EVA1C: variants seen among roughly 807,000 people sequenced by gnomAD.
EVA1C encodes protein eva-1 homolog C.
EVA1C carries 25 observed loss-of-function variants against 45.4 expected under a neutral mutation model. The ratio of observed to expected loss-of-function variants is 0.55; its 90% confidence interval spans 0.40 to 0.77. The LOEUF is 0.77. Among genes scored for constraint, EVA1C ranks in the 30% least tolerant of loss-of-function variants. The probability of loss-of-function intolerance (pLI) is 0.00; values close to 1 mark genes in which losing one functional copy is unlikely to be tolerated. For synonymous variants in EVA1C, 190 were observed against 221.2 expected (o/e 0.86, Z 1.25); for missense variants, 479 against 554.8 (o/e 0.86, Z 1.37).
chr21:32,413,075 A>G (rs1299665858), intron 1 of EVA1C, 62 bp downstream of exon 1: 4 of 1,274,124 alleles, frequency 3.1e-6, no homozygotes, highest in Non-Finnish European at 4.0e-6. Context: ...TGAACCCTCG[A>G]CTGGGGGCAG....
chr21:32,497,127 A>G (rs2037378027), intron 5 of EVA1C: 1 of 822,322 alleles, frequency 1.2e-6, no homozygotes, highest in South Asian at 1.3e-5. Context: ...TTAGCTCCAG[A>G]TCATGAAATC....
chr21:32,426,733 C>G (rs1166868600), intron 1 of EVA1C, among the ~76,000 whole-genome samples: 2 of 152,172 alleles, frequency 1.3e-5, no homozygotes, highest in Admixed American at 1.3e-4. Context: ...GCCCAGAGGC[C>G]TCAAGACTGC....
intron 1 of EVA1C, among the ~76,000 whole-genome samples, chr21:32,435,359 C>T (rs2034903240): frequency 6.6e-6 from 1 of 152,166 alleles, no homozygotes; most frequent in Non-Finnish European, 1.5e-5. Context: ...CAGCTGTTGT[C>T]CCATCTCCTA....
At chr21:32,502,573 T>C (rs1315459015) in intron 6 of EVA1C, among the ~76,000 whole-genome samples, 1 of 152,118 alleles carries the variant, frequency 6.6e-6, no homozygotes, top group Admixed American at 6.5e-5. Context: ...GGTGAGAGTT[T>C]TGTCTTGTGT....
In EVA1C at chr21:32,453,473, G is replaced by A; in HGVS notation, c.322G>A (p.Asp108Asn). Reference protein sequence around the residue: ...SSQKPASQREDSLTCVAATTF... With the variant: ...SSQKPASQRENSLTCVAATTF... ...CCAGAAGCCTGCCTCCCAGAGGGAAGACAGCTTAACCTGTGTGGCAGCCAC... is the reference window on the plus strand; with the variant it reads ...CCAGAAGCCTGCCTCCCAGAGGGAAAACAGCTTAACCTGTGTGGCAGCCAC... The change falls in exon 2 of 8, where the codon GAC becomes AAC. Residue 108 changes from aspartate to asparagine, a missense_variant. Coordinates refer to ENST00000300255, the MANE Select transcript of EVA1C (RefSeq NM_058187.5). 6.2e-7 allele frequency: 1 copy of A among 1,610,954 alleles called. No individual in the cohort carries two copies. Among genetic ancestry groups the A allele is most frequent in the Non-Finnish European group, 8.5e-7 (1 of 1,178,960 alleles).
intron 1 of EVA1C, among the ~76,000 whole-genome samples, chr21:32,450,064 T>C (rs1226046730): frequency 1.3e-5 from 2 of 152,240 alleles, no homozygotes; most frequent in African/African-American, 4.8e-5. Context: ...TAGTCAATTC[T>C]ATGCACTGAG....
At chr21:32,454,239 A>G (rs2035695921) in intron 2 of EVA1C, among the ~76,000 whole-genome samples, 1 of 152,206 alleles carries the variant, frequency 6.6e-6, no homozygotes, top group Admixed American at 6.5e-5. Flanking sequence ...AAAAAAAAGA[A>G]AATGTATTCA....
intron 5 of EVA1C, 116 bp downstream of exon 5, chr21:32,495,286 G>C: frequency 1.9e-6 from 2 of 1,064,396 alleles, no homozygotes; most frequent in South Asian, 3.5e-5. Flanking sequence ...TCCTCCTGAA[G>C]CTGTTTGGTC....
At chr21:32,464,845 A>G (rs143645160) in intron 3 of EVA1C, among the ~76,000 whole-genome samples, 1 of 152,280 alleles carries the variant, frequency 6.6e-6, no homozygotes, top group East Asian at 1.9e-4. Context: ...GGTGACATTT[A>G]TATTTGGAAA....
intron 4 of EVA1C, chr21:32,493,869 G>A (rs886522107): frequency 1.3e-5 from 2 of 151,658 alleles, no homozygotes; most frequent in East Asian, 1.9e-4. Context: ...GCACAATCTC[G>A]GCTCACTGTA....
At position 32,490,536 on chromosome 21, in the gene EVA1C, TC is replaced by T. The variant is rs546567899; in HGVS notation, c.635-4489del. On this transcript the variant is annotated intron_variant, in intron 4 of 7. Transcript: ENST00000300255. The stretch of plus-strand genomic sequence containing the variant: ...AAGGGGAGAAAATGGAAGGAAGGAG[TC>T]CAGTGAGTCCTTTTTAAGGCTGAAT... Among the ~76,000 whole-genome samples the T allele has an allele frequency of 1.2e-3, 176 of 151,688 alleles. 1 individual carries two copies. Among genetic ancestry groups the T allele is most frequent in the Non-Finnish European group, 1.8e-3 (125 of 67,876 alleles).
chr21:32,491,409 C>T, intron 4 of EVA1C, among the ~76,000 whole-genome samples: 1 of 151,918 alleles, frequency 6.6e-6, no homozygotes, highest in African/African-American at 2.4e-5. Flanking sequence ...GCACAGTGGG[C>T]CGGGCACGGT....
intron 7 of EVA1C, among the ~76,000 whole-genome samples, chr21:32,512,184 C>T (rs1420606621): frequency 6.6e-6 from 1 of 152,118 alleles, no homozygotes; most frequent in East Asian, 1.9e-4. Context: ...AGGTTAGACA[C>T]AGGTGTGGTC....
chr21:32,415,573 TGG>T (rs2034003483), intron 1 of EVA1C, among the ~76,000 whole-genome samples: 1 of 152,120 alleles, frequency 6.6e-6, no homozygotes, highest in Admixed American at 6.5e-5. Context: ...GTCGTTTTCC[TGG>T]GTCATTGATT....
At chr21:32,464,297 G>A (rs1409954098) in intron 3 of EVA1C, among the ~76,000 whole-genome samples, 1 of 152,082 alleles carries the variant, frequency 6.6e-6, no homozygotes, top group African/African-American at 2.4e-5. Context: ...AAACTACCAG[G>A]GCAGGATAGG....
Position 32,448,434 on chromosome 21 carries a change from G to A in EVA1C, c.161-4878G>A, listed in dbSNP as rs2035443317. ...TGAGCTTTCACAAAGTAAAGCACAT[G>A]CCTGCCATCAGATCAAGGAACAGGA... On this transcript the variant is annotated intron_variant, in intron 1 of 7. Transcript: ENST00000300255. Among the ~76,000 whole-genome samples, 5 of 152,162 alleles carry A rather than the reference G, an allele frequency of 3.3e-5. No individual in the cohort carries two copies. In the South Asian group the frequency reaches 1.0e-3, roughly 32 times the overall value.
At chr21:32,502,516 A>C (rs1464919486) in intron 6 of EVA1C, among the ~76,000 whole-genome samples, 1 of 152,170 alleles carries the variant, frequency 6.6e-6, no homozygotes, top group Admixed American at 6.5e-5. Context: ...TGGGGTCCCT[A>C]ATAGAAACTG....
At chr21:32,429,060 G>A (rs1189838790) in intron 1 of EVA1C, among the ~76,000 whole-genome samples, 3 of 151,706 alleles carry the variant, frequency 2.0e-5, no homozygotes, top group East Asian at 1.9e-4. Flanking sequence ...TCGCTCTGTC[G>A]CCCAGAGCGA....
intron 5 of EVA1C, among the ~76,000 whole-genome samples, chr21:32,498,648 G>A (rs17681031): frequency 0.065 from 9,906 of 151,980 alleles, 440 homozygotes; most frequent in Non-Finnish European, 0.096. Flanking sequence ...GAACCATACT[G>A]TAGGGTGAAC....
Sources: allele counts gnomAD v4.1 joint callset (sites outside exome capture counted in the v4.1 genomes callset), GRCh38; gene constraint gnomAD v4.1.1; transcripts MANE v1.5; gene names NCBI Gene and HGNC (gene_info 2026-07-23, HGNC 2026-07-21).